CHODL: variants seen among roughly 807,000 people sequenced by gnomAD.
The protein encoded by CHODL is chondrolectin, also known as transmembrane protein MT75.
A neutral mutation model predicts 34.5 loss-of-function variants in CHODL; 29 were observed. The observed-to-expected ratio is 0.84, with a 90% CI of 0.63 to 1.15. The LOEUF (loss-of-function observed/expected upper bound fraction) is 1.15. CHODL is among the 50% of genes most tolerant of loss of function. CHODL has a pLI of 0.00. For missense variants in CHODL, 332 were observed against 332.5 expected (o/e 1.00, Z 0.01); for synonymous variants, 125 against 116.1 (o/e 1.08, Z -0.49).
chr21:18,240,094 C>T (rs145195090), upstream of CHODL, among the ~76,000 whole-genome samples: 432 of 151,940 alleles, frequency 2.8e-3, 2 homozygotes, highest in African/African-American at 9.8e-3. Context: ...TTTTAACATA[C>T]GTATTGTTTT....
rs185688927 is a variant in CHODL, at chr21:18,253,682, T to C, written c.80-2827T>C. Among the ~76,000 whole-genome samples the C allele has an allele frequency of 6.0e-4, 92 of 152,238 alleles. 2 individuals are homozygous for C. Among genetic ancestry groups the C allele is most frequent in the Non-Finnish European group, 1.6e-4 (11 of 67,988 alleles). On this transcript the variant is annotated intron_variant, in intron 1 of 5. Transcript: ENST00000299295. ...ATTTTCAGAGTCAACCATTGGGGCT[T>C]TCTGTTAATTTGGGACTTTCATGAT...
chr21:18,180,027 A>T (rs73893014), intron 2 of CHODL, among the ~76,000 whole-genome samples: 14,181 of 152,260 alleles, frequency 0.093, 771 homozygotes, highest in South Asian at 0.24. Flanking sequence ...GAAGATAATA[A>T]TAGTACCTAG....
chr21:18,058,549 C>T (rs1253939799), intron 2 of CHODL, among the ~76,000 whole-genome samples: 1 of 152,080 alleles, frequency 6.6e-6, no homozygotes, highest in Non-Finnish European at 1.5e-5. Flanking sequence ...CACGGATGAG[C>T]TTGGAGGACA....
chr21:18,074,771 G>A (rs2064845440), intron 2 of CHODL, among the ~76,000 whole-genome samples: 1 of 152,118 alleles, frequency 6.6e-6, no homozygotes, highest in Non-Finnish European at 1.5e-5. Context: ...GAAGTCTTCA[G>A]GCTGAGTCAG....
intron 2 of CHODL, among the ~76,000 whole-genome samples, chr21:18,178,631 A>C (rs1289659303): frequency 6.6e-6 from 1 of 152,224 alleles, no homozygotes; most frequent in Non-Finnish European, 1.5e-5. Flanking sequence ...TAAGAAAATC[A>C]TAAGGAAGAG....
intron 1 of CHODL, among the ~76,000 whole-genome samples, 184 bp downstream of exon 1, chr21:18,245,486 C>T (rs2074128930): frequency 6.6e-6 from 1 of 152,220 alleles, no homozygotes; most frequent in African/African-American, 2.4e-5. Flanking sequence ...AACACACACG[C>T]AGAAAAGTTT....
intron 2 of CHODL, among the ~76,000 whole-genome samples, chr21:18,202,031 T>G (rs539713313): frequency 3.3e-5 from 5 of 152,212 alleles, no homozygotes; most frequent in African/African-American, 1.2e-4. Context: ...GATCTCAATC[T>G]CCTGACCTCG....
chr21:18,126,519 T>C (rs1305280097), intron 2 of CHODL, among the ~76,000 whole-genome samples: 1 of 152,220 alleles, frequency 6.6e-6, no homozygotes, highest in Admixed American at 6.5e-5. Context: ...GCATTGACTC[T>C]ATAGATTGCT....
chr21:18,092,555 G>A (rs112326984), intron 2 of CHODL, among the ~76,000 whole-genome samples: 5,892 of 152,262 alleles, frequency 0.039, 378 homozygotes, highest in African/African-American at 0.13. Context: ...CAAAATAGCT[G>A]TGTTGAGGAA....
intron 2 of CHODL, among the ~76,000 whole-genome samples, chr21:18,033,109 TG>T (rs906496470): frequency 1.3e-5 from 2 of 151,926 alleles, no homozygotes; most frequent in Non-Finnish European, 2.9e-5. Context: ...TACTTAATAT[TG>T]GGGGTTAGGG....
At chr21:17,943,418 T>A (rs2063381563) in intron 1 of CHODL, among the ~76,000 whole-genome samples, 1 of 152,220 alleles carries the variant, frequency 6.6e-6, no homozygotes, top group South Asian at 2.1e-4. Context: ...ATAACTCTTT[T>A]AATATATATC....
At chr21:18,212,103 T>C (rs1283505173) in intron 2 of CHODL, among the ~76,000 whole-genome samples, 1 of 152,166 alleles carries the variant, frequency 6.6e-6, no homozygotes, top group Non-Finnish European at 1.5e-5. Flanking sequence ...ATGCTTTGAG[T>C]CTTTCTTTTT....
chr21:18,157,850 A>G (rs1186104379), intron 2 of CHODL, among the ~76,000 whole-genome samples: 1 of 152,178 alleles, frequency 6.6e-6, no homozygotes, highest in African/African-American at 2.4e-5. Context: ...TAGGCATAGG[A>G]TTAATACAAT....
intron 1 of CHODL, among the ~76,000 whole-genome samples, chr21:17,939,656 C>T (rs1049801558): frequency 6.6e-6 from 1 of 152,162 alleles, no homozygotes; most frequent in African/African-American, 2.4e-5. Context: ...CCTTCTCTGC[C>T]TCTTCTCTCT....
chr21:18,107,895 C>T lies in CHODL; in HGVS notation c.-45+79924C>T, dbSNP rs559317088. On this transcript the variant is annotated intron_variant, in intron 2 of 6. Coordinates refer to the CHODL transcript ENST00000400127. ...CCACATGACATCTCATCAGAAGGTT[C>T]CTAGTGGAGAAAACTTTCAATAAGC... Among the ~76,000 whole-genome samples the T allele has an allele frequency of 3.9e-5, 6 of 152,260 alleles. No homozygotes were observed. The South Asian group carries it at 1.2e-3, about 32-fold the overall frequency.
chr21:18,167,209 CTCTG>C (rs71189586), intron 2 of CHODL, among the ~76,000 whole-genome samples: 13,793 of 128,482 alleles, frequency 0.11, 669 homozygotes, highest in Non-Finnish European at 0.14. Flanking sequence ...ATTTCTCTCT[CTCTG>C]TGTGTGTGTG....
upstream of CHODL, among the ~76,000 whole-genome samples, chr21:18,241,377 C>T (rs574179637): frequency 6.6e-6 from 1 of 152,132 alleles, no homozygotes; most frequent in African/African-American, 2.4e-5. Context: ...GAATCATTAA[C>T]TGTTATTAGA....
chr21:18,028,559 C>T (rs1226605648), intron 2 of CHODL, among the ~76,000 whole-genome samples: 5 of 151,306 alleles, frequency 3.3e-5, no homozygotes, highest in African/African-American at 4.9e-5. Flanking sequence ...ATTAGCTGGG[C>T]GTGGTGGCAG....
At chr21:17,923,281 T>C (rs1192055286) in intron 1 of CHODL, among the ~76,000 whole-genome samples, 1 of 152,004 alleles carries the variant, frequency 6.6e-6, no homozygotes. Flanking sequence ...GCCTCTTTTT[T>C]TTTTTCCTGC....
Sources: allele counts gnomAD v4.1 joint callset (sites outside exome capture counted in the v4.1 genomes callset), GRCh38; gene constraint gnomAD v4.1.1; transcripts MANE v1.5; gene names NCBI Gene and HGNC (gene_info 2026-07-23, HGNC 2026-07-21).